The following ATP8A2 variants were observed in gnomAD, a reference collection of about 807,000 sequenced individuals.
The protein encoded by ATP8A2 is ATPase phospholipid transporting 8A2.
Under a neutral mutation model 165.6 loss-of-function variants are expected in ATP8A2, and 100 were observed. The observed-to-expected ratio is 0.60, with a 90% CI of 0.51 to 0.71. The LOEUF (loss-of-function observed/expected upper bound fraction) is 0.71, where lower values mean the gene tolerates loss of function less well. ATP8A2 is among the 30% of genes least tolerant of loss of function. The pLI, the probability that ATP8A2 is intolerant of heterozygous loss-of-function variation, is 0.00. For missense variants in ATP8A2, 1,227 were observed against 1,479.5 expected (o/e 0.83, Z 2.80); for synonymous variants, 543 against 548.8 (o/e 0.99, Z 0.15).
At chr13:25,914,956 T>C (rs1447646107) in intron 33 of ATP8A2, among the ~76,000 whole-genome samples, 1 of 152,204 alleles carries the variant, frequency 6.6e-6, no homozygotes, top group African/African-American at 2.4e-5. Flanking sequence ...CACCAAACTC[T>C]CATCATTTGT....
chr13:25,808,791 T>A (rs531539293), intron 27 of ATP8A2, among the ~76,000 whole-genome samples: 52 of 152,030 alleles, frequency 3.4e-4, no homozygotes, highest in Middle Eastern at 3.4e-3. Flanking sequence ...CTACTTAAAA[T>A]TTTTTTTCAT....
chr13:25,505,218 T>C (rs1474671440), intron 2 of ATP8A2, among the ~76,000 whole-genome samples: 2 of 148,130 alleles, frequency 1.4e-5, no homozygotes, highest in African/African-American at 2.5e-5. Context: ...GGGGTGGTGG[T>C]CACAACTCAT....
chr13:25,781,273 A>G (rs1379220462), intron 27 of ATP8A2, among the ~76,000 whole-genome samples: 1 of 152,194 alleles, frequency 6.6e-6, no homozygotes, highest in East Asian at 1.9e-4. Context: ...CGTCTCAAAA[A>G]AAAAAGTGAA....
intron 18 of ATP8A2, among the ~76,000 whole-genome samples, chr13:25,572,058 C>T (rs1300859695): frequency 6.6e-6 from 1 of 152,196 alleles, no homozygotes; most frequent in Non-Finnish European, 1.5e-5. Flanking sequence ...AGAGTTCTTA[C>T]TCAATGAAGC....
intron 25 of ATP8A2, among the ~76,000 whole-genome samples, chr13:25,745,117 A>G (rs2044002384): frequency 6.6e-6 from 1 of 151,862 alleles, no homozygotes; most frequent in Admixed American, 6.6e-5. Flanking sequence ...ATTTTTTTGT[A>G]TTTTTAGTAG....
At chr13:25,664,711 A>G (rs1185249720) in intron 24 of ATP8A2, among the ~76,000 whole-genome samples, 2 of 152,182 alleles carry the variant, frequency 1.3e-5, no homozygotes, top group Non-Finnish European at 2.9e-5. Context: ...ATCCCCAGAG[A>G]GAAGCAGAGG....
intron 2 of ATP8A2, among the ~76,000 whole-genome samples, chr13:25,513,738 C>G (rs541608995): frequency 1.3e-5 from 2 of 152,152 alleles, no homozygotes; most frequent in Admixed American, 1.3e-4. Context: ...GCGGATCACT[C>G]GCGGTTAGGA....
chr13:25,583,680 G>A (rs894901606), intron 23 of ATP8A2, among the ~76,000 whole-genome samples: 2 of 152,116 alleles, frequency 1.3e-5, no homozygotes, highest in Non-Finnish European at 2.9e-5. Flanking sequence ...AGAAAGCAAA[G>A]TGCTGAAAAT....
intron 24 of ATP8A2, among the ~76,000 whole-genome samples, chr13:25,681,286 T>G (rs534002390): frequency 6.6e-6 from 1 of 152,220 alleles, no homozygotes; most frequent in East Asian, 1.9e-4. Flanking sequence ...ATGAATGTTT[T>G]TAATTTGTTA....
intron 35 of ATP8A2, among the ~76,000 whole-genome samples, chr13:25,978,888 C>G (rs976484359): frequency 6.6e-6 from 1 of 151,828 alleles, no homozygotes; most frequent in African/African-American, 2.4e-5. Flanking sequence ...TGGAGTGAGC[C>G]GAGATCGCGC....
At chr13:25,952,239 C>T (rs1417286811) in intron 33 of ATP8A2, among the ~76,000 whole-genome samples, 1 of 152,162 alleles carries the variant, frequency 6.6e-6, no homozygotes, top group Non-Finnish European at 1.5e-5. Flanking sequence ...AAGCTCTAGG[C>T]ATTTCGTACA....
intron 2 of ATP8A2, among the ~76,000 whole-genome samples, chr13:25,480,744 T>C (rs918763581): frequency 1.3e-5 from 2 of 150,278 alleles, no homozygotes; most frequent in South Asian, 2.1e-4. Context: ...CCTCACTTCC[T>C]AGACGGGGTG....
chr13:25,565,953 AT>A lies in ATP8A2; in HGVS notation c.1473+1931del, dbSNP rs571349264. 1.4e-4 allele frequency among the ~76,000 whole-genome samples: 21 copies of A among 151,710 alleles called. No homozygotes were observed. The South Asian group carries it at 1.7e-3, about 12-fold the overall frequency. On this transcript the variant is annotated intron_variant, in intron 16 of 36. Transcript: ENST00000381655. ...GTATAAATTAGATGTAATATGATTA[AT>A]TTTTTTTTCTGAAAAAATTTCTAGA...
intron 33 of ATP8A2, among the ~76,000 whole-genome samples, chr13:25,949,330 A>C (rs1566295338): frequency 6.6e-6 from 1 of 152,222 alleles, no homozygotes; most frequent in Non-Finnish European, 1.5e-5. Flanking sequence ...TGACAAGGTG[A>C]GGTGGCCGTC....
At chr13:25,907,799 C>T (rs980908537) in intron 33 of ATP8A2, among the ~76,000 whole-genome samples, 14 of 152,168 alleles carry the variant, frequency 9.2e-5, no homozygotes, top group African/African-American at 3.4e-4. Context: ...AGGCTAGGCC[C>T]TTGTGCTTTT....
At chr13:25,415,775 A>G (rs1203155035) in intron 1 of ATP8A2, among the ~76,000 whole-genome samples, 3 of 152,114 alleles carry the variant, frequency 2.0e-5, no homozygotes, top group East Asian at 1.9e-4. Flanking sequence ...AGAAATGCCT[A>G]CTTGGCCTCC....
intron 30 of ATP8A2, among the ~76,000 whole-genome samples, chr13:25,849,097 G>T (rs1173576331): frequency 6.6e-6 from 1 of 152,158 alleles, no homozygotes; most frequent in African/African-American, 2.4e-5. Flanking sequence ...GGGAAAGGAG[G>T]AGAGAGGAAA....
intron 33 of ATP8A2, among the ~76,000 whole-genome samples, chr13:25,938,919 T>G (rs1954990470): frequency 6.6e-6 from 1 of 151,946 alleles, no homozygotes; most frequent in South Asian, 2.1e-4. Context: ...CTTGGCTTAC[T>G]GCAACCTCTG....
intron 33 of ATP8A2, among the ~76,000 whole-genome samples, chr13:25,910,382 T>G (rs1954066760): frequency 6.6e-6 from 1 of 152,154 alleles, no homozygotes; most frequent in African/African-American, 2.4e-5. Context: ...ACGGCACCTG[T>G]AAATGATTAA....
Sources: gnomAD v4.1 joint callset for allele counts (sites outside exome capture counted in the v4.1 genomes callset) on GRCh38, gnomAD v4.1.1 for gene constraint, MANE v1.5 for transcripts, NCBI Gene and HGNC (gene_info 2026-07-23, HGNC 2026-07-21) for gene names.